The following PALLD variants were observed in gnomAD, a reference collection of about 807,000 sequenced individuals.
PALLD encodes the protein palladin.
In PALLD, 61 loss-of-function variants were observed where a neutral mutation model predicts 123.5. That is an observed-to-expected ratio of 0.49 (90% CI 0.40 to 0.61). The LOEUF (loss-of-function observed/expected upper bound fraction) is 0.61. Among genes scored for constraint, PALLD ranks in the 20% least tolerant of loss-of-function variants. PALLD has a pLI of 0.00. For synonymous variants in PALLD, 465 were observed against 496.4 expected (o/e 0.94, Z 0.84); for missense variants, 1,273 against 1,377.0 (o/e 0.92, Z 1.20).
intron 2 of PALLD, among the ~76,000 whole-genome samples, chr4:168,645,669 C>T (rs1678490262): frequency 1.3e-5 from 2 of 152,142 alleles, no homozygotes; most frequent in South Asian, 4.1e-4. Context: ...AAATACCTGG[C>T]CCAGAGTGAA....
chr4:168,921,779 G>A lies in PALLD; in HGVS notation c.3058+38G>A, dbSNP rs368042339. ...GTGAATCCTTGCTCTCTGACAGAAT[G>A]AACATCAGACTTACAAATGTAAACT... On this transcript the variant is annotated intron_variant, in intron 18 of 21. Transcript: ENST00000505667. 7 of 1,457,632 alleles carry A rather than the reference G, an allele frequency of 4.8e-6. No individual in the cohort carries two copies. The African/African-American group carries it at 8.4e-5, about 17-fold the overall frequency. 90.3% of individuals were successfully genotyped at this position (1,457,632 alleles called of 1,614,324 possible). A position where few individuals can be genotyped will look rare whatever the true frequency, so the allele number is the denominator to read the frequency against.
At chr4:168,846,931 A>G (rs1746948370) in intron 10 of PALLD, among the ~76,000 whole-genome samples, 1 of 152,250 alleles carries the variant, frequency 6.6e-6, no homozygotes, top group African/African-American at 2.4e-5. Flanking sequence ...GACAATATTG[A>G]GACCAAAGCA....
At chr4:168,687,813 G>T (rs1191076386) in intron 6 of PALLD, among the ~76,000 whole-genome samples, 1 of 152,142 alleles carries the variant, frequency 6.6e-6, no homozygotes, top group East Asian at 1.9e-4. Flanking sequence ...AGCATTCTTT[G>T]TGCTAACAGC....
At chr4:168,619,806 A>T (rs1774579377) in intron 2 of PALLD, among the ~76,000 whole-genome samples, 1 of 152,170 alleles carries the variant, frequency 6.6e-6, no homozygotes. Context: ...TAAATTCATG[A>T]GTCTGGATCC....
intron 10 of PALLD, among the ~76,000 whole-genome samples, chr4:168,752,098 G>C (rs1731138957): frequency 6.6e-6 from 1 of 152,168 alleles, no homozygotes; most frequent in Admixed American, 6.5e-5. Flanking sequence ...TTTCTTGTAG[G>C]CTGGGTGCTC....
intron 2 of PALLD, among the ~76,000 whole-genome samples, chr4:168,594,710 A>C (rs1014697136): frequency 1.1e-4 from 16 of 152,176 alleles, no homozygotes; most frequent in African/African-American, 3.1e-4. Flanking sequence ...TCAACTACAC[A>C]TTCAATAACT....
intron 2 of PALLD, among the ~76,000 whole-genome samples, chr4:168,622,432 T>C (rs367829467): frequency 9.8e-5 from 15 of 152,324 alleles, no homozygotes; most frequent in Admixed American, 6.5e-4. Context: ...ATTCAGATGT[T>C]GAGTTTCAGG....
chr4:168,895,371 A>T (rs986745246), intron 12 of PALLD, among the ~76,000 whole-genome samples: 14 of 152,174 alleles, frequency 9.2e-5, no homozygotes, highest in Non-Finnish European at 1.9e-4. Flanking sequence ...GCAGAGTGAG[A>T]CTTCGTCTCC....
intron 10 of PALLD, among the ~76,000 whole-genome samples, chr4:168,864,900 T>A (rs1750041642): frequency 6.6e-6 from 1 of 152,266 alleles, no homozygotes; most frequent in African/African-American, 2.4e-5. Flanking sequence ...TGAATAACTG[T>A]TGACTATACA....
intron 2 of PALLD, among the ~76,000 whole-genome samples, chr4:168,591,928 T>C (rs892344808): frequency 3.3e-5 from 5 of 152,042 alleles, no homozygotes; most frequent in African/African-American, 1.2e-4. Flanking sequence ...AAAAAGTCAC[T>C]TGGGTATTTG....
intron 2 of PALLD, among the ~76,000 whole-genome samples, chr4:168,639,710 A>G (rs1326591064): frequency 6.8e-6 from 1 of 146,176 alleles, no homozygotes; most frequent in Non-Finnish European, 1.5e-5. Flanking sequence ...CGCCCAGCTA[A>G]TTTTTTGTAT....
intron 2 of PALLD, among the ~76,000 whole-genome samples, chr4:168,641,708 G>A (rs1303773360): frequency 1.3e-5 from 2 of 152,078 alleles, no homozygotes; most frequent in Admixed American, 6.5e-5. Flanking sequence ...TCCAGATGCC[G>A]CTGTAAAATG....
At chr4:168,559,665 G>A (rs1469692626) in intron 2 of PALLD, among the ~76,000 whole-genome samples, 1 of 152,128 alleles carries the variant, frequency 6.6e-6, no homozygotes, top group African/African-American at 2.4e-5. Flanking sequence ...GAGAGGCCGA[G>A]GTGGGTGGAT....
chr4:168,547,758 C>T (rs1766297814), intron 2 of PALLD, among the ~76,000 whole-genome samples: 1 of 151,684 alleles, frequency 6.6e-6, no homozygotes, highest in Non-Finnish European at 1.5e-5. Flanking sequence ...CCATCCTGGC[C>T]AACATGGTGA....
At chr4:168,701,381 T>G (rs1283199013) in intron 8 of PALLD, among the ~76,000 whole-genome samples, 1 of 152,228 alleles carries the variant, frequency 6.6e-6, no homozygotes, top group Non-Finnish European at 1.5e-5. Flanking sequence ...AAATTTTTTA[T>G]TTTATCCTCA....
At chr4:168,571,426 T>A (rs576979303) in intron 2 of PALLD, among the ~76,000 whole-genome samples, 1 of 152,310 alleles carries the variant, frequency 6.6e-6, no homozygotes, top group South Asian at 2.1e-4. Flanking sequence ...TACCTGAAAC[T>A]GGAAAAGTTT....
intron 2 of PALLD, among the ~76,000 whole-genome samples, chr4:168,625,992 A>C (rs1166809924): frequency 1.3e-5 from 2 of 152,198 alleles, no homozygotes; most frequent in African/African-American, 4.8e-5. Context: ...TAATAGATAA[A>C]GAAAAAGTGG....
chr4:168,777,419 G>A (rs1046208511), intron 10 of PALLD, among the ~76,000 whole-genome samples: 6 of 152,184 alleles, frequency 3.9e-5, no homozygotes, highest in African/African-American at 1.2e-4. Flanking sequence ...CAAGATAAAT[G>A]TGATGGGGGA....
At chr4:168,782,476 T>C (rs1304478227) in intron 10 of PALLD, among the ~76,000 whole-genome samples, 1 of 152,194 alleles carries the variant, frequency 6.6e-6, no homozygotes, top group Non-Finnish European at 1.5e-5. Context: ...AGCAAATTTT[T>C]CTAAAAACAA....
Sources: allele counts gnomAD v4.1 joint callset (sites outside exome capture counted in the v4.1 genomes callset), GRCh38; gene constraint gnomAD v4.1.1; transcripts MANE v1.5; gene names NCBI Gene and HGNC (gene_info 2026-07-23, HGNC 2026-07-21).